PPARG: variants seen among roughly 807,000 people sequenced by gnomAD.
PPARG encodes peroxisome proliferator-activated receptor gamma.
A neutral mutation model predicts 39.2 loss-of-function variants in PPARG; 17 were observed. That is an observed-to-expected ratio of 0.43 (90% CI 0.30 to 0.65). The LOEUF is 0.65. Ranked by LOEUF, PPARG falls within the 30% of genes least tolerant of loss-of-function variation. The pLI, the probability that PPARG is intolerant of heterozygous loss-of-function variation, is 0.13. For synonymous variants in PPARG, 223 were observed against 215.7 expected, an observed-to-expected ratio of 1.03 and a Z score of -0.30; for missense variants, 406 against 585.9, an observed-to-expected ratio of 0.69 and a Z score of 3.17.
At chr3:12,369,516 T>C (rs902642012) in intron 2 of PPARG, among the ~76,000 whole-genome samples, 2 of 152,102 alleles carry the variant, frequency 1.3e-5, no homozygotes, top group Admixed American at 1.3e-4. Flanking sequence ...TAATAATAAC[T>C]TATACTATTA....
At chr3:12,371,257 T>C (rs2049200919) in intron 2 of PPARG, among the ~76,000 whole-genome samples, 1 of 152,106 alleles carries the variant, frequency 6.6e-6, no homozygotes, top group Non-Finnish European at 1.5e-5. Context: ...CTTCCAGCAA[T>C]AGGGTTGGAT....
intron 6 of PPARG, 63 bp from the exon 7 acceptor site, chr3:12,416,641 G>A: frequency 6.7e-7 from 1 of 1,486,014 alleles, no homozygotes; most frequent in Non-Finnish European, 9.3e-7. Flanking sequence ...CTGAACCTGG[G>A]ATGGCATTCA....
At chr3:12,308,012 T>C (rs1256270743) in intron 1 of PPARG, among the ~76,000 whole-genome samples, 5 of 151,702 alleles carry the variant, frequency 3.3e-5, no homozygotes, top group Non-Finnish European at 2.9e-5. Flanking sequence ...GAACACAAAA[T>C]AGAAAAGCTC....
chr3:12,351,522 C>T (rs557335700), intron 2 of PPARG: 17 of 1,183,834 alleles, frequency 1.4e-5, no homozygotes, highest in Admixed American at 1.0e-4. Context: ...TTTCTTTTAA[C>T]GGATTGATCT....
At chr3:12,290,690 A>C (rs570023193) in intron 1 of PPARG, among the ~76,000 whole-genome samples, 114 of 152,294 alleles carry the variant, frequency 7.5e-4, no homozygotes, top group Non-Finnish European at 1.3e-3. Context: ...ATAAACAAAT[A>C]CTTTTTTCTT....
intron 5 of PPARG, among the ~76,000 whole-genome samples, chr3:12,403,054 A>T (rs914826590): frequency 6.6e-6 from 1 of 152,036 alleles, no homozygotes; most frequent in African/African-American, 2.4e-5. Context: ...TCTCTTTGGG[A>T]GGTGGAGGCA....
intron 2 of PPARG, among the ~76,000 whole-genome samples, chr3:12,315,110 A>G (rs139725881): frequency 1.3e-5 from 2 of 152,260 alleles, no homozygotes; most frequent in East Asian, 1.9e-4. Flanking sequence ...ATCTCTTGCT[A>G]TCCCCAGCCC....
At chr3:12,306,583 C>G (rs985357313) in intron 1 of PPARG, among the ~76,000 whole-genome samples, 1 of 152,148 alleles carries the variant, frequency 6.6e-6, no homozygotes, top group African/African-American at 2.4e-5. Context: ...CCATCACCAC[C>G]GCCACCACTA....
At chr3:12,375,666 T>C (rs1478054210) in intron 2 of PPARG, among the ~76,000 whole-genome samples, 2 of 152,116 alleles carry the variant, frequency 1.3e-5, no homozygotes, top group Admixed American at 1.3e-4. Context: ...GTTAGACAGG[T>C]TTGGACGAAT....
intron 2 of PPARG, among the ~76,000 whole-genome samples, chr3:12,340,079 C>T (rs2048138928): frequency 6.6e-6 from 1 of 152,210 alleles, no homozygotes; most frequent in Non-Finnish European, 1.5e-5. Flanking sequence ...TAACAATATA[C>T]TTCCCCTTCA....
intron 2 of PPARG, among the ~76,000 whole-genome samples, chr3:12,349,927 GAGAAT>G (rs2048432786): frequency 6.6e-6 from 1 of 152,194 alleles, no homozygotes; most frequent in African/African-American, 2.4e-5. Flanking sequence ...TGAGAAAAAA[GAGAAT>G]AGAAGTAACA....
chr3:12,407,495 T>C (rs4135280), intron 6 of PPARG, among the ~76,000 whole-genome samples: 5,495 of 152,150 alleles, frequency 0.036, 296 homozygotes, highest in East Asian at 0.29. Flanking sequence ...GGTTTGGCTT[T>C]GATTCTGATG....
chr3:12,303,769 C>G (rs532666694), intron 1 of PPARG, among the ~76,000 whole-genome samples: 1 of 152,228 alleles, frequency 6.6e-6, no homozygotes, highest in Non-Finnish European at 1.5e-5. Flanking sequence ...CATATTCATG[C>G]AGAGTCTGAA....
At chr3:12,364,456 T>G (rs965881540) in intron 2 of PPARG, among the ~76,000 whole-genome samples, 16 of 152,230 alleles carry the variant, frequency 1.1e-4, no homozygotes, top group African/African-American at 2.9e-4. Flanking sequence ...ACTCAGCTAC[T>G]GAAGGGTGTC....
At chr3:12,355,289 C>T (rs2048626531) in intron 2 of PPARG, among the ~76,000 whole-genome samples, 3 of 152,088 alleles carry the variant, frequency 2.0e-5, no homozygotes, top group South Asian at 4.2e-4. Context: ...GCGTACCTTA[C>T]CACACCCAGC....
At position 12,381,430 on chromosome 3, in the gene PPARG, G is replaced by A. The variant is rs773089349; in HGVS notation, c.329G>A (p.Arg110His). ...PSNSLMAIECRVCGDKASGFH... is the reference protein window; with the variant it reads ...PSNSLMAIECHVCGDKASGFH... ...AACTCCCTCATGGCAATTGAATGTC[G>A]TGTCTGTGGAGATAAAGCTTCTGGA... Residue 110 changes from arginine to histidine, a missense_variant, in exon 4 of 8, where the codon CGT becomes CAT. Coordinates refer to ENST00000651735, the MANE Select transcript of PPARG (RefSeq NM_138711.6). The A allele has an allele frequency of 5.0e-6, 8 of 1,613,330 alleles. No individual in the cohort carries two copies. Among genetic ancestry groups the A allele is most frequent in the African/African-American group, 4.0e-5 (3 of 74,818 alleles).
Position 12,434,192 on chromosome 3 carries a change from C to T in PPARG, c.*47C>T. ...CAACATTTCCCTTCTTCCAGTTGCA[C>T]TATTCTGAGGGAAAATCTGACACCT... On this transcript the variant is annotated 3_prime_UTR_variant, in exon 8 of 8. Coordinates refer to ENST00000651735, the MANE Select transcript of PPARG (RefSeq NM_138711.6). The surrounding 1 kb of genome is among the most constrained non-coding windows in gnomAD (Gnocchi z 4.2). 6.2e-7 allele frequency: 1 copy of T among 1,612,958 alleles called. No homozygotes were observed. Among genetic ancestry groups the T allele is most frequent in the Non-Finnish European group, 8.5e-7 (1 of 1,179,372 alleles).
rs568575838 is a variant in PPARG at position 12,408,070 on chromosome 3, A to G, written c.729+1989A>G. The stretch of plus-strand genomic sequence containing the variant: ...CTATAATGCAGGTTTTCTGGCCTCT[A>G]GTTCAGAGCATTCGTAGCATGCTAG... On this transcript the variant is annotated intron_variant, in intron 6 of 7. Coordinates refer to ENST00000651735, the MANE Select transcript of PPARG (RefSeq NM_138711.6). Among the ~76,000 whole-genome samples the G allele has an allele frequency of 7.9e-5, 12 of 152,344 alleles. No homozygotes were observed. In the East Asian group the frequency reaches 2.3e-3, roughly 29 times the overall value.
At chr3:12,428,054 T>G (rs1007192105) in intron 7 of PPARG, among the ~76,000 whole-genome samples, 4 of 152,194 alleles carry the variant, frequency 2.6e-5, no homozygotes, top group Admixed American at 1.3e-4. Flanking sequence ...TTTCTGCCTC[T>G]TCTTCAGGAG....
Sources: allele counts gnomAD v4.1 joint callset (sites outside exome capture counted in the v4.1 genomes callset), GRCh38; gene constraint gnomAD v4.1.1; non-coding constraint Gnocchi (gnomAD v3.1); transcripts MANE v1.5; gene names NCBI Gene and HGNC (gene_info 2026-07-23, HGNC 2026-07-21).